IL1RAP: variants seen among roughly 807,000 people sequenced by gnomAD.
IL1RAP encodes interleukin 1 receptor accessory protein, also known as interleukin-1 receptor accessory protein.
Under a neutral mutation model 60.7 loss-of-function variants are expected in IL1RAP, and 35 were observed. The ratio of observed to expected loss-of-function variants is 0.58; its 90% CI spans 0.44 to 0.76. The LOEUF is 0.76. IL1RAP is among the 30% of genes least tolerant of loss of function. The pLI, the probability that IL1RAP is intolerant of heterozygous loss-of-function variation, is 0.00. For synonymous variants in IL1RAP, 268 were observed against 250.9 expected, an observed-to-expected ratio of 1.07 and a Z score of -0.64; for missense variants, 572 against 693.9, an observed-to-expected ratio of 0.82 and a Z score of 1.97.
At chr3:190,585,904 C>T (rs1728414024) in intron 3 of IL1RAP, among the ~76,000 whole-genome samples, 1 of 152,064 alleles carries the variant, frequency 6.6e-6, no homozygotes, top group Non-Finnish European at 1.5e-5. Context: ...TTGTTCTTAC[C>T]CTGATTGACC....
At position 190,629,349 on chromosome 3, in the gene IL1RAP, G is replaced by A. The variant is rs561709068; in HGVS notation, c.903-1G>A. ...TTTGATTTTCTTCTCTCTATTTCTA[G>A]TATAAGTCATAGTAGAACAGAAGAT... is the stretch of plus-strand genomic sequence containing the variant. On this transcript the variant is annotated splice_acceptor_variant, in intron 8 of 11. Transcript: ENST00000447382. LOFTEE classifies it high-confidence loss of function. 6.3e-7 allele frequency: 1 copy of A among 1,591,560 alleles called. No homozygotes were observed. Among genetic ancestry groups the A allele is most frequent in the African/African-American group, 1.3e-5 (1 of 74,246 alleles).
intron 9 of IL1RAP, among the ~76,000 whole-genome samples, chr3:190,641,040 A>T (rs950395951): frequency 6.6e-6 from 1 of 152,098 alleles, no homozygotes; most frequent in Non-Finnish European, 1.5e-5. Flanking sequence ...ATCTTGGCTC[A>T]CTGCAACCTC....
chr3:190,531,335 A>G (rs1384398734), intron 1 of IL1RAP, among the ~76,000 whole-genome samples: 1 of 152,178 alleles, frequency 6.6e-6, no homozygotes, highest in Non-Finnish European at 1.5e-5. Context: ...CCCAAAGAAC[A>G]GGCTTTTTGT....
intron 1 of IL1RAP, among the ~76,000 whole-genome samples, chr3:190,547,723 A>C (rs1475464235): frequency 6.6e-6 from 1 of 152,160 alleles, no homozygotes; most frequent in East Asian, 1.9e-4. Flanking sequence ...GTGCACTGTA[A>C]GTCTGCTGTG....
At chr3:190,621,903 C>G (rs1174705034) in intron 6 of IL1RAP, among the ~76,000 whole-genome samples, 1 of 152,150 alleles carries the variant, frequency 6.6e-6, no homozygotes, top group Non-Finnish European at 1.5e-5. Flanking sequence ...GAAGACAATA[C>G]TAAAAACTCT....
At chr3:190,654,165 G>A (rs1037818037), downstream of IL1RAP, among the ~76,000 whole-genome samples, 16 of 148,608 alleles carry the variant, frequency 1.1e-4, no homozygotes, top group Non-Finnish European at 1.9e-4. Context: ...TTCCTAAGGT[G>A]ACTGTTTTGA....
intron 3 of IL1RAP, among the ~76,000 whole-genome samples, chr3:190,575,838 A>T (rs1727395784): frequency 6.6e-6 from 1 of 152,356 alleles, no homozygotes; most frequent in South Asian, 2.1e-4. Context: ...TCCTCTAAAC[A>T]CCCCTTTTGC....
At chr3:190,541,159 C>A (rs1403300502) in intron 1 of IL1RAP, among the ~76,000 whole-genome samples, 1 of 152,064 alleles carries the variant, frequency 6.6e-6, no homozygotes, top group Non-Finnish European at 1.5e-5. Flanking sequence ...TAGGGCCCAA[C>A]TCTCCCATAG....
At chr3:190,618,303 T>G (rs182127478) in intron 5 of IL1RAP, among the ~76,000 whole-genome samples, 463 of 152,356 alleles carry the variant, frequency 3.0e-3, no homozygotes, top group Non-Finnish European at 5.2e-3. Flanking sequence ...GGTAAAAGCA[T>G]TACAAACTTT....
intron 1 of IL1RAP, among the ~76,000 whole-genome samples, chr3:190,522,131 G>T (rs1577492331): frequency 1.3e-5 from 2 of 152,134 alleles, no homozygotes; most frequent in African/African-American, 2.4e-5. Context: ...GAGTGAGACA[G>T]TGGTGGGGGC....
chr3:190,658,178 G>A (rs1314566258), exon 12 of IL1RAP: 3 of 152,040 alleles, frequency 2.0e-5, no homozygotes, highest in African/African-American at 7.2e-5. Flanking sequence ...AGATTTTTAT[G>A]TATAATGTCA....
intron 1 of IL1RAP, chr3:190,518,124 G>A (rs1344065646): frequency 6.6e-6 from 1 of 151,536 alleles, no homozygotes; most frequent in Non-Finnish European, 1.5e-5. Context: ...TACACTGATA[G>A]GGTTGTTAGG....
At position 190,525,595 on chromosome 3, in the gene IL1RAP, G is replaced by A. The variant is rs143673190; in HGVS notation, c.-89+11376G>A. On this transcript the variant is annotated intron_variant, in intron 1 of 11. Transcript: ENST00000447382. ...GAAGAACTTATTTATAAGATGAGAAGACCAACTGCTCTGATTTCATCATGT... is the reference window on the plus strand; with the variant it reads ...GAAGAACTTATTTATAAGATGAGAAAACCAACTGCTCTGATTTCATCATGT... Among the ~76,000 whole-genome samples, 27 of 152,272 alleles carry A rather than the reference G, an allele frequency of 1.8e-4. No homozygotes were observed. In the East Asian group the frequency reaches 4.1e-3, roughly 23 times the overall value.
intron 3 of IL1RAP, chr3:190,564,682 T>C (rs1726217858): frequency 3.8e-6 from 1 of 263,230 alleles, no homozygotes; most frequent in Non-Finnish European, 7.5e-6. Flanking sequence ...GGAGTGATAA[T>C]AGCACAATCT....
chr3:190,612,407 G>A (rs545932310), intron 5 of IL1RAP, among the ~76,000 whole-genome samples: 11 of 151,830 alleles, frequency 7.2e-5, no homozygotes, highest in East Asian at 1.9e-4. Context: ...ACATCCTGCC[G>A]TTTTCTCATC....
chr3:190,637,438 T>A (rs1733311460), intron 9 of IL1RAP, among the ~76,000 whole-genome samples: 1 of 151,896 alleles, frequency 6.6e-6, no homozygotes, highest in Non-Finnish European at 1.5e-5. Flanking sequence ...CCTACCTAGA[T>A]CCTACCATTA....
chr3:190,609,160 A>T lies in IL1RAP; in HGVS notation c.516A>T (p.Lys172Asn). The T allele has an allele frequency of 6.2e-7, 1 of 1,610,772 alleles. No homozygotes were observed. Among genetic ancestry groups the T allele is most frequent in the East Asian group, 2.2e-5 (1 of 44,752 alleles). Residue 172 changes from lysine to asparagine, a missense_variant, in exon 5 of 12, where the codon AAA becomes AAT. Physicochemically the swap from Lys to Asn is moderately conservative, Grantham distance 94. Transcript: ENST00000447382. ...NVDGYFPSSVKPTITWYMGCY... is the reference protein window; with the variant it reads ...NVDGYFPSSVNPTITWYMGCY... ...ATGGATATTTTCCTTCCAGTGTCAA[A>T]CCGACTATCACTTGGTATATGGTAA...
In IL1RAP at chr3:190,611,516, A is replaced by G. The variant is rs115280100; in HGVS notation, c.537+2335A>G. Among the ~76,000 whole-genome samples, 602 of 152,356 alleles carry G rather than the reference A, an allele frequency of 4.0e-3. 4 individuals carry two copies. The highest frequency in any genetic ancestry group is 0.014 in the African/African-American group (581 of 41,588). ...TTAAAAGAAACATATAAGACATTTAAAAAGTAGATAGCACTGTAGCATCTA... is the reference window on the plus strand; with the variant it reads ...TTAAAAGAAACATATAAGACATTTAGAAAGTAGATAGCACTGTAGCATCTA... On this transcript the variant is annotated intron_variant, in intron 5 of 11. Transcript: ENST00000447382.
chr3:190,641,952 C>T (rs533257137), intron 9 of IL1RAP, among the ~76,000 whole-genome samples: 1 of 152,216 alleles, frequency 6.6e-6, no homozygotes, highest in South Asian at 2.1e-4. Flanking sequence ...TTTAAGGTGC[C>T]ATTATTCATG....
Sources: gnomAD v4.1 joint callset for allele counts (sites outside exome capture counted in the v4.1 genomes callset) on GRCh38, gnomAD v4.1.1 for gene constraint, MANE v1.5 for transcripts, NCBI Gene and HGNC (gene_info 2026-07-23, HGNC 2026-07-21) for gene names.